RMND1: variants seen among roughly 807,000 people sequenced by gnomAD.
The protein encoded by RMND1 is required for meiotic nuclear division protein 1 homolog.
RMND1 carries 41 observed loss-of-function variants against 54.0 expected under a neutral mutation model. That is an observed-to-expected ratio of 0.76 (90% confidence interval 0.59 to 0.98). The LOEUF (loss-of-function observed/expected upper bound fraction) is 0.98, where lower values mean the gene tolerates loss of function less well. Ranked by LOEUF, RMND1 falls within the 50% of genes least tolerant of loss-of-function variation. The pLI, the probability that RMND1 is intolerant of heterozygous loss-of-function variation, is 0.00. For synonymous variants in RMND1, 183 were observed against 181.7 expected, an observed-to-expected ratio of 1.01 and a Z score of -0.06; for missense variants, 457 against 532.0, an observed-to-expected ratio of 0.86 and a Z score of 1.39.
intron 2 of RMND1, among the ~76,000 whole-genome samples, chr6:151,440,233 C>T (rs1199944234): frequency 2.0e-5 from 3 of 152,182 alleles, no homozygotes; most frequent in Admixed American, 1.3e-4. Flanking sequence ...GGATTACAGG[C>T]GTGAGCCACC....
intron 10 of RMND1, among the ~76,000 whole-genome samples, chr6:151,407,013 CATG>C: frequency 6.6e-6 from 1 of 152,046 alleles, no homozygotes; most frequent in East Asian, 1.9e-4. Flanking sequence ...ATTAGCCAGG[CATG>C]GTGGTGTGTG....
chr6:151,446,394 C>CT (rs1027323553), intron 1 of RMND1, among the ~76,000 whole-genome samples: 35 of 150,968 alleles, frequency 2.3e-4, no homozygotes, highest in African/African-American at 8.6e-4. Flanking sequence ...GATTGTACCA[C>CT]TGCATTCCAG....
chr6:151,426,624 AG>A lies in RMND1; in HGVS notation c.830+857del, dbSNP rs1322340232. On this transcript the variant is annotated intron_variant, in intron 6 of 11. Coordinates refer to ENST00000444024, the MANE Select transcript of RMND1 (RefSeq NM_017909.4). ...TAAATGCATACTATTTTATTGGATT[AG>A]GCTGATTAGAAACTTAACATTTCCA... 2.0e-5 allele frequency among the ~76,000 whole-genome samples: 3 copies of A among 152,324 alleles called. No homozygotes were observed. The South Asian group carries it at 6.2e-4, about 32-fold the overall frequency.
chr6:151,418,163 C>T (rs1346521215), intron 9 of RMND1, among the ~76,000 whole-genome samples: 1 of 151,962 alleles, frequency 6.6e-6, no homozygotes, highest in East Asian at 2.0e-4. Flanking sequence ...CCTGTAATCC[C>T]AGCACTTTGG....
Position 151,452,112 on chromosome 6 carries a change from G to C in RMND1, c.-111C>G, listed in dbSNP as rs899458360. The C allele has an allele frequency of 6.6e-5, 13 of 196,430 alleles. No individual in the cohort carries two copies. Among genetic ancestry groups the C allele is most frequent in the Non-Finnish European group, 2.1e-5 (2 of 94,300 alleles). The allele number at this position is 196,430 out of a possible 1,614,324, so 12.2% of individuals were successfully genotyped here. On this transcript the variant is annotated 5_prime_UTR_variant, in exon 1 of 12. Transcript: ENST00000444024. ...GCACCCCCAGCCTCTCACTACTGCA[G>C]CCAACCCATCTCCTGGAAGGGCGCT...
rs774729553 is a variant in RMND1, at chr6:151,417,285, T to C, written c.1194A>G (p.Arg398=). The C allele has an allele frequency of 6.2e-7, 1 of 1,610,000 alleles. No individual in the cohort carries two copies. The highest frequency in any genetic ancestry group is 8.5e-7 in the Non-Finnish European group (1 of 1,179,024). The change falls in exon 10 of 12, where the codon AGA becomes AGG. Residue 398 remains arginine (R), a synonymous_variant. Coordinates refer to ENST00000444024, the MANE Select transcript of RMND1 (RefSeq NM_017909.4). Reference sequence around the variant, plus strand: ...AGAAGTGCAAAATACGTACCTTAACTCTTCGGCCAATGCTAAGGAATTGAC... The same window carrying C: ...AGAAGTGCAAAATACGTACCTTAACCCTTCGGCCAATGCTAAGGAATTGAC... ...KTCQFLSIGR[R]VKVMNEKLQH...
chr6:151,405,662 G>T, intron 11 of RMND1, 58 bp downstream of exon 11: 1 of 837,460 alleles, frequency 1.2e-6, no homozygotes, highest in Non-Finnish European at 2.0e-6. Context: ...TATTAGCATA[G>T]CCCCTGTATT....
At chr6:151,428,083 A>G (rs1331289979) in intron 5 of RMND1, among the ~76,000 whole-genome samples, 1 of 152,152 alleles carries the variant, frequency 6.6e-6, no homozygotes, top group East Asian at 1.9e-4. Context: ...AGCCAATGTC[A>G]GCCGGTGTGA....
At chr6:151,440,373 T>C (rs1447394462) in intron 2 of RMND1, among the ~76,000 whole-genome samples, 1 of 152,260 alleles carries the variant, frequency 6.6e-6, no homozygotes, top group Non-Finnish European at 1.5e-5. Flanking sequence ...TCCCAAATTA[T>C]GTGAATATTC....
Position 151,433,137 on chromosome 6 carries a change from G to T in RMND1, c.689+18C>A, listed in dbSNP as rs1332612961. 1.3e-6 allele frequency: 2 copies of T among 1,566,782 alleles called. No individual in the cohort carries two copies. The highest frequency in any genetic ancestry group is 1.7e-5 in the Admixed American group (1 of 58,190). On this transcript the variant is annotated intron_variant, in intron 4 of 11. Transcript: ENST00000444024. ...CCCAAACCCATCATCACCTAATGGG[G>T]TTTCTTTCCTGTCTTACCTGAAGAA...
At chr6:151,413,148 A>T (rs1779905424) in intron 10 of RMND1, among the ~76,000 whole-genome samples, 1 of 152,226 alleles carries the variant, frequency 6.6e-6, no homozygotes, top group Non-Finnish European at 1.5e-5. Flanking sequence ...CTAGGAAGTG[A>T]ATCTCTGAGA....
At chr6:151,421,994 C>T (rs775927696) in intron 8 of RMND1, among the ~76,000 whole-genome samples, 9 of 151,732 alleles carry the variant, frequency 5.9e-5, no homozygotes, top group Non-Finnish European at 1.2e-4. Context: ...ACAGAGGAAA[C>T]AATTTGAAGT....
At chr6:151,433,942 C>G (rs912153102) in intron 3 of RMND1, among the ~76,000 whole-genome samples, 5 of 111,044 alleles carry the variant, frequency 4.5e-5, no homozygotes, top group Admixed American at 1.8e-4. Flanking sequence ...TCAAGGGACC[C>G]CCCCCCGCCC....
chr6:151,450,145 ATCCCATCTAGGAAGTGAGGAGCACCTCTT>A, intron 1 of RMND1, among the ~76,000 whole-genome samples: 1 of 117,546 alleles, frequency 8.5e-6, no homozygotes. Context: ...CCCGGCCGCC[ATCCCATCTAGGAAGTGAGGAGCACCTCTT>A]CCCGGCCGCC....
At chr6:151,407,557 A>G (rs1176298190) in intron 10 of RMND1, among the ~76,000 whole-genome samples, 1 of 152,134 alleles carries the variant, frequency 6.6e-6, no homozygotes, top group Non-Finnish European at 1.5e-5. Context: ...ATTAAGTCTA[A>G]CAACTTAGCT....
intron 2 of RMND1, among the ~76,000 whole-genome samples, chr6:151,442,091 C>G (rs79770495): frequency 6.6e-6 from 1 of 152,104 alleles, no homozygotes; most frequent in East Asian, 1.9e-4. Context: ...TATTTGATGT[C>G]AGAAGTACTG....
intron 2 of RMND1, among the ~76,000 whole-genome samples, chr6:151,443,404 C>T (rs55747952): frequency 0.13 from 19,352 of 152,022 alleles, 2,018 homozygotes; most frequent in African/African-American, 0.28. Flanking sequence ...CTCCACCTCC[C>T]GAGTTCAAGA....
At chr6:151,437,937 GAAAA>G (rs1484173675) in intron 2 of RMND1, among the ~76,000 whole-genome samples, 1 of 152,090 alleles carries the variant, frequency 6.6e-6, no homozygotes, top group Non-Finnish European at 1.5e-5. Flanking sequence ...AATCCAATTA[GAAAA>G]AAAGTCAGAC....
rs1343857031 is a variant in RMND1, at chr6:151,421,360, A to C, written c.1003-39T>G. On this transcript the variant is annotated intron_variant, in intron 8 of 11. Transcript: ENST00000444024. ...AATCGGAAAAACCAAAAAACCATGT[A>C]TCTCTCTTTCTAATAAGCATTAGGT... 47 of 1,468,984 alleles carry C rather than the reference A, an allele frequency of 3.2e-5. No individual in the cohort carries two copies. In the South Asian group the frequency reaches 4.6e-4, roughly 14 times the overall value. The allele number at this position is 1,468,984 out of a possible 1,614,324, so 91.0% of individuals were successfully genotyped here.
Sources: allele counts gnomAD v4.1 joint callset (sites outside exome capture counted in the v4.1 genomes callset), GRCh38; gene constraint gnomAD v4.1.1; transcripts MANE v1.5; gene names NCBI Gene and HGNC (gene_info 2026-07-23, HGNC 2026-07-21).